HECW2: variants seen among roughly 807,000 people sequenced by gnomAD.
HECW2 encodes the protein E3 ubiquitin-protein ligase HECW2.
HECW2 carries 61 observed loss-of-function variants against 175.2 expected under a neutral mutation model. The observed-to-expected ratio is 0.35, with a 90% CI of 0.28 to 0.43. The LOEUF (loss-of-function observed/expected upper bound fraction) is 0.43, where lower values mean the gene tolerates loss of function less well. Ranked by LOEUF, HECW2 falls within the 20% of genes least tolerant of loss-of-function variation. The pLI, the probability that HECW2 is intolerant of heterozygous loss-of-function variation, is 1.00. For synonymous variants in HECW2, 671 were observed against 731.0 expected (o/e 0.92, Z 1.32); for missense variants, 1,524 against 2,000.5 (o/e 0.76, Z 4.54).
chr2:196,560,883 T>C (rs1689978222), intron 1 of HECW2, among the ~76,000 whole-genome samples: 1 of 152,224 alleles, frequency 6.6e-6, no homozygotes, highest in African/African-American at 2.4e-5. Context: ...CCTGTCATCT[T>C]CGTAAGCTGA....
chr2:196,385,864 C>G (rs35841215), intron 2 of HECW2, among the ~76,000 whole-genome samples: 8,785 of 152,126 alleles, frequency 0.058, 376 homozygotes, highest in African/African-American at 0.11. Flanking sequence ...GGTTGGAAGC[C>G]TATTTATTAA....
chr2:196,245,391 C>T (rs554223830), intron 19 of HECW2, among the ~76,000 whole-genome samples: 1 of 152,212 alleles, frequency 6.6e-6, no homozygotes, highest in African/African-American at 2.4e-5. Context: ...GGATTTGAGC[C>T]AAGTCTATCT....
At chr2:196,315,149 AGT>A (rs58473650) in intron 10 of HECW2, among the ~76,000 whole-genome samples, 21,134 of 144,530 alleles carry the variant, frequency 0.15, 1,538 homozygotes, top group South Asian at 0.18. Flanking sequence ...CGAGTGTATG[AGT>A]GTGTGTGTGT....
chr2:196,363,543 A>G (rs1180332800), intron 2 of HECW2, among the ~76,000 whole-genome samples: 3 of 152,236 alleles, frequency 2.0e-5, no homozygotes, highest in Non-Finnish European at 4.4e-5. Flanking sequence ...AAGAAAAATA[A>G]ATCTAGGCCA....
intron 19 of HECW2, among the ~76,000 whole-genome samples, chr2:196,243,262 G>A (rs571360617): frequency 6.7e-6 from 1 of 150,144 alleles, no homozygotes; most frequent in African/African-American, 2.4e-5. Context: ...CCATCTCCCG[G>A]GTTCAAGTGA....
At chr2:196,534,140 G>GT (rs1386119405) in intron 1 of HECW2, among the ~76,000 whole-genome samples, 2 of 152,308 alleles carry the variant, frequency 1.3e-5, no homozygotes, top group South Asian at 2.1e-4. Context: ...CAATTTGAAA[G>GT]TAGTATGTAT....
At chr2:196,358,234 G>A (rs1219399737) in intron 2 of HECW2, among the ~76,000 whole-genome samples, 1 of 152,106 alleles carries the variant, frequency 6.6e-6, no homozygotes, top group African/African-American at 2.4e-5. Flanking sequence ...CATGAGTATA[G>A]TATGTGAACC....
intron 2 of HECW2, among the ~76,000 whole-genome samples, chr2:196,362,908 T>C (rs1056360571): frequency 6.6e-6 from 1 of 152,154 alleles, no homozygotes; most frequent in Non-Finnish European, 1.5e-5. Context: ...CCAGGAAAAC[T>C]AGATGAAATG....
chr2:196,277,517 C>T (rs182886248), intron 15 of HECW2, among the ~76,000 whole-genome samples: 2 of 152,138 alleles, frequency 1.3e-5, no homozygotes, highest in African/African-American at 4.8e-5. Context: ...AACACTTTTA[C>T]ACTGTTGGTG....
intron 2 of HECW2, among the ~76,000 whole-genome samples, chr2:196,399,884 A>G (rs1559088282): frequency 6.6e-6 from 1 of 152,208 alleles, no homozygotes; most frequent in East Asian, 1.9e-4. Context: ...GGAATAGTGC[A>G]CCAGATACTG....
Position 196,318,915 on chromosome 2 carries a change from G to A in HECW2, c.1975C>T (p.Arg659Trp), listed in dbSNP as rs1255987127. Residue 659 changes from arginine (R) to tryptophan (W), a missense_variant, in exon 9 of 29, where the codon CGG (arginine) becomes TGG (tryptophan). Arg to Trp is a moderately radical substitution (Grantham distance 101). This residue lies in a region of HECW2 where 604 missense variants were observed against 588.3 expected (regional missense o/e 1.03). Transcript: ENST00000644978. ...VTTQLSSVDT[R>W]CSSLESARFP... ...CGTGCGCTCTCAAGAGAGGAGCACCGTGTGTCCACAGAGGACAGCTGCGTG... is the reference window on the plus strand; with the variant it reads ...CGTGCGCTCTCAAGAGAGGAGCACCATGTGTCCACAGAGGACAGCTGCGTG... 6.3e-6 allele frequency: 10 copies of A among 1,588,094 alleles called. No homozygotes were observed. The highest frequency in any genetic ancestry group is 4.7e-5 in the South Asian group (4 of 85,794).
At chr2:196,432,470 C>T (rs1048824506) in intron 2 of HECW2, among the ~76,000 whole-genome samples, 2 of 152,172 alleles carry the variant, frequency 1.3e-5, no homozygotes, top group Non-Finnish European at 2.9e-5. Context: ...AGACATCGTA[C>T]TTTTTGGGAT....
At chr2:196,422,180 C>T (rs1241189540) in intron 2 of HECW2, among the ~76,000 whole-genome samples, 1 of 152,072 alleles carries the variant, frequency 6.6e-6, no homozygotes, top group African/African-American at 2.4e-5. Context: ...CTTGCAGTGA[C>T]CATACAAGGA....
chr2:196,265,267 T>G (rs1277232191), intron 17 of HECW2, among the ~76,000 whole-genome samples: 1 of 152,196 alleles, frequency 6.6e-6, no homozygotes, highest in Non-Finnish European at 1.5e-5. Flanking sequence ...GGCAGATCAC[T>G]TGAGGCCAGG....
At chr2:196,541,824 A>T (rs1392375425) in intron 1 of HECW2, among the ~76,000 whole-genome samples, 1 of 152,200 alleles carries the variant, frequency 6.6e-6, no homozygotes, top group Non-Finnish European at 1.5e-5. Context: ...CAACACCTGA[A>T]GATTTTTTCA....
intron 1 of HECW2, among the ~76,000 whole-genome samples, chr2:196,447,093 A>G (rs1696208653): frequency 1.3e-5 from 2 of 152,232 alleles, no homozygotes; most frequent in Non-Finnish European, 2.9e-5. Context: ...AGTTCTCTTC[A>G]GTGTCATGAT....
intron 1 of HECW2, among the ~76,000 whole-genome samples, chr2:196,536,538 T>C (rs1015414613): frequency 3.9e-5 from 6 of 152,176 alleles, no homozygotes; most frequent in African/African-American, 1.4e-4. Flanking sequence ...AAAATTCCTC[T>C]ACCGACAAGC....
At chr2:196,540,715 G>A (rs555614369) in intron 1 of HECW2, among the ~76,000 whole-genome samples, 1 of 152,258 alleles carries the variant, frequency 6.6e-6, no homozygotes, top group South Asian at 2.1e-4. Context: ...GGGTTTATAA[G>A]CATCAGCCAC....
At chr2:196,380,541 T>C (rs1694179731) in intron 2 of HECW2, among the ~76,000 whole-genome samples, 1 of 152,190 alleles carries the variant, frequency 6.6e-6, no homozygotes, top group Non-Finnish European at 1.5e-5. Flanking sequence ...CAACTGTCAT[T>C]GGTTGTTTTT....
Sources: allele counts gnomAD v4.1 joint callset (sites outside exome capture counted in the v4.1 genomes callset), GRCh38; gene constraint gnomAD v4.1.1; regional missense constraint gnomAD v4.1.1; transcripts MANE v1.5; gene names NCBI Gene and HGNC (gene_info 2026-07-23, HGNC 2026-07-21).